Variants in ROBO1 observed in about 807,000 individuals in gnomAD.
ROBO1 encodes the protein roundabout homolog 1.
Under a neutral mutation model 195.9 loss-of-function variants are expected in ROBO1, and 149 were observed. That is an observed-to-expected ratio of 0.76 (90% CI 0.67 to 0.87). The LOEUF (loss-of-function observed/expected upper bound fraction) is 0.87. ROBO1 is among the 40% of genes least tolerant of loss of function. The probability of loss-of-function intolerance (pLI) is 0.00; values close to 1 mark genes in which losing one functional copy is unlikely to be tolerated. For missense variants in ROBO1, 1,933 were observed against 2,068.3 expected (o/e 0.93, Z 1.27); for synonymous variants, 816 against 733.2 (o/e 1.11, Z -1.82).
intron 3 of ROBO1, among the ~76,000 whole-genome samples, chr3:79,053,508 T>A (rs1304058191): frequency 6.6e-6 from 1 of 152,026 alleles, no homozygotes; most frequent in Non-Finnish European, 1.5e-5. Flanking sequence ...AAAATTTACC[T>A]GTAATTCTAC....
chr3:79,193,581 C>CTTTTTTTTTTTTTTTTT (rs869203963), intron 2 of ROBO1, among the ~76,000 whole-genome samples: 1 of 85,626 alleles, frequency 1.2e-5, no homozygotes, highest in African/African-American at 4.5e-5. Flanking sequence ...TGTGGTTTTG[C>CTTTTTTTTTTTTTTTTT]TTTTTTTTTT....
chr3:78,835,478 A>ACT (rs2032628472), intron 4 of ROBO1, among the ~76,000 whole-genome samples: 1 of 152,194 alleles, frequency 6.6e-6, no homozygotes, highest in African/African-American at 2.4e-5. Context: ...AAATGAAAAT[A>ACT]AGTAAGACAT....
chr3:79,016,603 A>T (rs1397690628), intron 3 of ROBO1, among the ~76,000 whole-genome samples: 1 of 152,192 alleles, frequency 6.6e-6, no homozygotes, highest in African/African-American at 2.4e-5. Context: ...CAGAACTTCC[A>T]AGTTGACACG....
At chr3:79,216,318 C>G (rs1455402919) in intron 2 of ROBO1, among the ~76,000 whole-genome samples, 3 of 151,978 alleles carry the variant, frequency 2.0e-5, no homozygotes, top group African/African-American at 7.2e-5. Context: ...AAGAAGGGAA[C>G]AATCTCTTGT....
At chr3:78,741,519 T>A in intron 5 of ROBO1, among the ~76,000 whole-genome samples, 1 of 152,302 alleles carries the variant, frequency 6.6e-6, no homozygotes, top group Non-Finnish European at 1.5e-5. Context: ...ACAAAATAAT[T>A]ATTTTTTCAA....
At chr3:78,786,161 C>T (rs1178483384) in intron 4 of ROBO1, among the ~76,000 whole-genome samples, 2 of 152,158 alleles carry the variant, frequency 1.3e-5, no homozygotes, top group African/African-American at 4.8e-5. Context: ...ACTTTCTCTG[C>T]TACACTTTTA....
rs530779539 is a variant in ROBO1, at chr3:78,606,847, G to C, written c.4630C>G (p.Arg1544Gly). ...TCTCTGGGATCACCTGGATTTGTTC[G>C]CATGTCAACAACCTGTCTTCCATCC... ...VLDGRQVVDM[R>G]TNPGDPREAQ... is the part of the protein sequence containing the mutation. The change falls in exon 29 of 31, where the codon CGA (arginine) becomes GGA (glycine). Residue 1544 changes from arginine (R) to glycine (G), a missense_variant. By Grantham distance (125) the Arg-to-Gly change is moderately radical. This residue lies in a region of ROBO1 where 1,737 missense variants were observed against 1,882.5 expected (regional missense o/e 0.92). Transcript: ENST00000464233. The C allele has an allele frequency of 5.0e-6, 8 of 1,613,624 alleles. No individual in the cohort carries two copies. The South Asian group carries it at 7.7e-5, about 16-fold the overall frequency.
intron 2 of ROBO1, among the ~76,000 whole-genome samples, chr3:79,423,455 C>T (rs1033365882): frequency 2.0e-5 from 3 of 152,058 alleles, no homozygotes; most frequent in South Asian, 2.1e-4. Flanking sequence ...AAATCTCAAG[C>T]GACAGCTTTA....
intron 2 of ROBO1, among the ~76,000 whole-genome samples, chr3:79,335,714 G>A (rs1263347755): frequency 1.3e-5 from 2 of 152,160 alleles, no homozygotes; most frequent in Non-Finnish European, 2.9e-5. Flanking sequence ...GTACCGCAGA[G>A]AGTGGGGTGC....
At chr3:78,990,151 C>T (rs1345916504) in intron 3 of ROBO1, among the ~76,000 whole-genome samples, 1 of 152,134 alleles carries the variant, frequency 6.6e-6, no homozygotes, top group Non-Finnish European at 1.5e-5. Context: ...ATTTAATACA[C>T]TAGAATATTT....
chr3:78,712,240 T>C (rs991648693), intron 8 of ROBO1, among the ~76,000 whole-genome samples: 5 of 152,124 alleles, frequency 3.3e-5, no homozygotes, highest in Non-Finnish European at 5.9e-5. Context: ...GAGAGAAAGA[T>C]TATGTTTGAG....
chr3:79,707,004 C>T (rs1303237295), intron 1 of ROBO1, among the ~76,000 whole-genome samples: 1 of 152,032 alleles, frequency 6.6e-6, no homozygotes, highest in Non-Finnish European at 1.5e-5. Flanking sequence ...AATAGAGTGA[C>T]ACTGGACTTA....
intron 2 of ROBO1, among the ~76,000 whole-genome samples, chr3:79,327,377 T>G (rs1050356506): frequency 2.0e-5 from 3 of 152,056 alleles, no homozygotes; most frequent in Non-Finnish European, 2.9e-5. Context: ...TTATTTCCAT[T>G]AAAAAAGACT....
intron 1 of ROBO1, among the ~76,000 whole-genome samples, chr3:79,645,492 ACTCTGT>A (rs1945792974): frequency 6.6e-6 from 1 of 151,852 alleles, no homozygotes; most frequent in Non-Finnish European, 1.5e-5. Context: ...ACAATTTGAA[ACTCTGT>A]CTCTAAAATA....
chr3:78,978,662 T>C (rs1442237890), intron 3 of ROBO1, among the ~76,000 whole-genome samples: 1 of 152,154 alleles, frequency 6.6e-6, no homozygotes, highest in Non-Finnish European at 1.5e-5. Flanking sequence ...GTTCTGCTGG[T>C]GCAGAGCCTT....
chr3:78,709,350 T>C (rs952072432), intron 8 of ROBO1, among the ~76,000 whole-genome samples: 1 of 151,870 alleles, frequency 6.6e-6, no homozygotes, highest in African/African-American at 2.4e-5. Flanking sequence ...ATACCAATAT[T>C]GGTATACCAT....
chr3:78,940,507 T>C (rs2040072670), intron 3 of ROBO1, among the ~76,000 whole-genome samples: 1 of 152,220 alleles, frequency 6.6e-6, no homozygotes, highest in African/African-American at 2.4e-5. Context: ...TTTTCTCTGC[T>C]GTCTTCAGCC....
At chr3:78,674,200 G>C (rs541319536) in intron 10 of ROBO1, among the ~76,000 whole-genome samples, 1 of 152,256 alleles carries the variant, frequency 6.6e-6, no homozygotes, top group Admixed American at 6.5e-5. Flanking sequence ...ACATGAATTT[G>C]TATGTTTCTA....
intron 4 of ROBO1, among the ~76,000 whole-genome samples, chr3:78,930,014 A>C (rs72904252): frequency 0.039 from 5,946 of 152,266 alleles, 351 homozygotes; most frequent in African/African-American, 0.13. Context: ...TGTTATCCCC[A>C]AAAGAGATAC....
Sources: allele counts gnomAD v4.1 joint callset (sites outside exome capture counted in the v4.1 genomes callset), GRCh38; gene constraint gnomAD v4.1.1; regional missense constraint gnomAD v4.1.1; transcripts MANE v1.5; gene names NCBI Gene and HGNC (gene_info 2026-07-23, HGNC 2026-07-21).